The following SEMA3A variants were observed in gnomAD, a reference collection of about 807,000 sequenced individuals.
SEMA3A encodes semaphorin 3A, also known as semaphorin-3A.
Under a neutral mutation model 97.9 loss-of-function variants are expected in SEMA3A, and 29 were observed. That is an observed-to-expected ratio of 0.30 (90% confidence interval 0.22 to 0.40). The LOEUF (loss-of-function observed/expected upper bound fraction) is 0.40, where lower values mean the gene tolerates loss of function less well. Among genes scored for constraint, SEMA3A ranks in the 10% least tolerant of loss-of-function variants. The pLI is 1.00. For synonymous variants in SEMA3A, 321 were observed against 323.7 expected (o/e 0.99, Z 0.09); for missense variants, 763 against 951.3 (o/e 0.80, Z 2.60).
At chr7:84,035,010 C>A (rs1159020499) in intron 6 of SEMA3A, among the ~76,000 whole-genome samples, 1 of 151,984 alleles carries the variant, frequency 6.6e-6, no homozygotes, top group Non-Finnish European at 1.5e-5. Flanking sequence ...CTATTTTCTA[C>A]CTTTTCCCAT....
chr7:84,146,912 G>A (rs1796478850), intron 1 of SEMA3A, among the ~76,000 whole-genome samples: 1 of 152,126 alleles, frequency 6.6e-6, no homozygotes, highest in Admixed American at 6.5e-5. Context: ...ATACCTATGA[G>A]CGGTAAGCAT....
At chr7:84,453,639 A>G (rs1805619165) in intron 1 of SEMA3A, among the ~76,000 whole-genome samples, 1 of 152,188 alleles carries the variant, frequency 6.6e-6, no homozygotes, top group Admixed American at 6.5e-5. Flanking sequence ...TAATGGAGTC[A>G]CCAGAGAGAC....
chr7:84,077,801 T>G (rs1048486270), intron 4 of SEMA3A, among the ~76,000 whole-genome samples: 10 of 151,964 alleles, frequency 6.6e-5, no homozygotes, highest in Admixed American at 5.9e-4. Flanking sequence ...AAATTTAACT[T>G]GATTATTTTA....
At chr7:84,034,298 A>G (rs1414216194) in intron 6 of SEMA3A, among the ~76,000 whole-genome samples, 2 of 152,096 alleles carry the variant, frequency 1.3e-5, no homozygotes, top group Non-Finnish European at 2.9e-5. Flanking sequence ...ATGGTCTTTT[A>G]TCTTATCTTG....
At chr7:84,404,158 C>T (rs896163796) in intron 1 of SEMA3A, among the ~76,000 whole-genome samples, 10 of 152,100 alleles carry the variant, frequency 6.6e-5, no homozygotes, top group South Asian at 4.2e-4. Context: ...AAAAATTAGA[C>T]GAATGGATAA....
At chr7:84,389,561 A>T (rs1803486966) in intron 1 of SEMA3A, among the ~76,000 whole-genome samples, 1 of 152,100 alleles carries the variant, frequency 6.6e-6, no homozygotes, top group African/African-American at 2.4e-5. Flanking sequence ...TCTTGGTAAC[A>T]TTAATATGTC....
chr7:84,290,440 T>G (rs891321941), intron 3 of SEMA3A, among the ~76,000 whole-genome samples: 10 of 112,978 alleles, frequency 8.9e-5, no homozygotes, highest in Admixed American at 2.5e-4. Context: ...TTAAAAGTTG[T>G]TTTTTTTTTC....
At chr7:84,381,774 A>T (rs1313532979) in intron 1 of SEMA3A, among the ~76,000 whole-genome samples, 4 of 152,160 alleles carry the variant, frequency 2.6e-5, no homozygotes, top group African/African-American at 9.7e-5. Flanking sequence ...AACACGCAAT[A>T]GTTTTGTCTT....
chr7:84,114,244 AT>A (rs1378341044), intron 3 of SEMA3A, among the ~76,000 whole-genome samples: 1 of 152,170 alleles, frequency 6.6e-6, no homozygotes, highest in Non-Finnish European at 1.5e-5. Context: ...ACCTCCTTGC[AT>A]GTTCTTAAAT....
chr7:84,342,844 A>G (rs1302343742), intron 2 of SEMA3A, among the ~76,000 whole-genome samples: 1 of 152,236 alleles, frequency 6.6e-6, no homozygotes, highest in East Asian at 1.9e-4. Context: ...GAATGGTGAC[A>G]AAAGTTTCAG....
At chr7:84,056,244 T>C (rs1792971064) in intron 5 of SEMA3A, among the ~76,000 whole-genome samples, 2 of 152,344 alleles carry the variant, frequency 1.3e-5, no homozygotes, top group Non-Finnish European at 1.5e-5. Context: ...GTGAACTGCA[T>C]TTCTATTATG....
chr7:84,345,675 T>C (rs1374858327), intron 2 of SEMA3A, among the ~76,000 whole-genome samples: 1 of 152,220 alleles, frequency 6.6e-6, no homozygotes, highest in Non-Finnish European at 1.5e-5. Context: ...ATTGGAGTTT[T>C]AACATGAGAT....
chr7:83,978,799 C>T (rs1220347186), intron 14 of SEMA3A, among the ~76,000 whole-genome samples: 1 of 152,008 alleles, frequency 6.6e-6, no homozygotes, highest in Non-Finnish European at 1.5e-5. Context: ...TTGAAAAATG[C>T]CATCACAAAG....
chr7:84,484,725 A>G (rs1190446159), intron 1 of SEMA3A, among the ~76,000 whole-genome samples: 1 of 152,208 alleles, frequency 6.6e-6, no homozygotes. Context: ...AATACATTCC[A>G]AAGAACGGCA....
intron 3 of SEMA3A, among the ~76,000 whole-genome samples, chr7:84,239,012 C>T (rs569975687): frequency 4.5e-4 from 69 of 151,990 alleles, no homozygotes; most frequent in East Asian, 5.8e-4. Context: ...CCACCATGCC[C>T]GGCCAAAAAC....
At chr7:84,422,496 A>G (rs1804628236) in intron 1 of SEMA3A, among the ~76,000 whole-genome samples, 1 of 151,252 alleles carries the variant, frequency 6.6e-6, no homozygotes, top group South Asian at 2.1e-4. Context: ...TTTTTAAAGG[A>G]TTTTTCATGT....
At chr7:84,318,317 G>GTTTTTTTT (rs71522699) in intron 2 of SEMA3A, among the ~76,000 whole-genome samples, 7 of 97,796 alleles carry the variant, frequency 7.2e-5, no homozygotes, top group African/African-American at 1.6e-4. Context: ...TGATTTCTTG[G>GTTTTTTTT]TTTTTTTTTT....
At chr7:84,123,687 T>C (rs959704592) in intron 3 of SEMA3A, among the ~76,000 whole-genome samples, 3 of 148,778 alleles carry the variant, frequency 2.0e-5, no homozygotes, top group African/African-American at 7.3e-5. Context: ...ACAATAAGTG[T>C]TATCAGATAA....
intron 2 of SEMA3A, among the ~76,000 whole-genome samples, chr7:84,370,192 C>T (rs958537962): frequency 6.6e-6 from 1 of 151,438 alleles, no homozygotes; most frequent in Non-Finnish European, 1.5e-5. Context: ...GCAAAGGAAG[C>T]AATTGCTGGT....
Sources: allele counts gnomAD v4.1 joint callset (sites outside exome capture counted in the v4.1 genomes callset), GRCh38; gene constraint gnomAD v4.1.1; transcripts MANE v1.5; gene names NCBI Gene and HGNC (gene_info 2026-07-23, HGNC 2026-07-21).